Variants in ZSWIM5 observed in about 807,000 individuals in gnomAD.
ZSWIM5 encodes zinc finger SWIM-type containing 5.
ZSWIM5 carries 55 observed loss-of-function variants against 119.6 expected under a neutral mutation model. The ratio of observed to expected loss-of-function variants is 0.46; its 90% CI spans 0.37 to 0.58. The LOEUF (loss-of-function observed/expected upper bound fraction) is 0.58, where lower values mean the gene tolerates loss of function less well. Among genes scored for constraint, ZSWIM5 ranks in the 20% least tolerant of loss-of-function variants. The pLI is 0.00. For missense variants in ZSWIM5, 1,193 were observed against 1,512.8 expected, an observed-to-expected ratio of 0.79 and a Z score of 3.51; for synonymous variants, 537 against 606.9, an observed-to-expected ratio of 0.88 and a Z score of 1.69.
intron 1 of ZSWIM5, among the ~76,000 whole-genome samples, chr1:45,120,736 A>T (rs139141489): frequency 6.6e-6 from 1 of 151,132 alleles, no homozygotes; most frequent in East Asian, 2.0e-4. Flanking sequence ...TTGGCCTCTC[A>T]AAGTGCTGGG....
chr1:45,030,387 C>T (rs1230885252), intron 11 of ZSWIM5, among the ~76,000 whole-genome samples: 1 of 152,158 alleles, frequency 6.6e-6, no homozygotes, highest in Non-Finnish European at 1.5e-5. Flanking sequence ...GCTGGGATTA[C>T]AGGCATGTGC....
chr1:45,052,309 A>G (rs1479837901), intron 4 of ZSWIM5, among the ~76,000 whole-genome samples: 1 of 152,000 alleles, frequency 6.6e-6, no homozygotes, highest in Non-Finnish European at 1.5e-5. Context: ...TACAGGCGTG[A>G]GCCACCATGG....
At chr1:45,174,721 C>T (rs914077979) in intron 1 of ZSWIM5, among the ~76,000 whole-genome samples, 10 of 152,002 alleles carry the variant, frequency 6.6e-5, no homozygotes, top group African/African-American at 2.4e-4. Flanking sequence ...GCCTGGGCCA[C>T]AGAGCAAGAT....
At chr1:45,198,235 G>A (rs923187412) in intron 1 of ZSWIM5, among the ~76,000 whole-genome samples, 3 of 152,254 alleles carry the variant, frequency 2.0e-5, no homozygotes, top group Non-Finnish European at 4.4e-5. Context: ...GGCTTTCACT[G>A]GAAATTTTAA....
At chr1:45,107,080 G>A (rs995503595) in intron 1 of ZSWIM5, among the ~76,000 whole-genome samples, 1 of 152,174 alleles carries the variant, frequency 6.6e-6, no homozygotes, top group Non-Finnish European at 1.5e-5. Context: ...CAGGGCCGAA[G>A]GCCACAGGAA....
intron 1 of ZSWIM5, among the ~76,000 whole-genome samples, chr1:45,103,786 A>C (rs1263752715): frequency 6.6e-6 from 1 of 152,230 alleles, no homozygotes; most frequent in Non-Finnish European, 1.5e-5. Flanking sequence ...TTCTAAAGGA[A>C]AGCACTTCTC....
intron 1 of ZSWIM5, among the ~76,000 whole-genome samples, chr1:45,177,769 T>TA (rs1645989895): frequency 6.6e-6 from 1 of 152,008 alleles, no homozygotes; most frequent in East Asian, 1.9e-4. Flanking sequence ...AATAGCACAT[T>TA]AAAAAGCATT....
chr1:45,056,312 G>A (rs980530464), intron 4 of ZSWIM5, among the ~76,000 whole-genome samples: 4 of 152,160 alleles, frequency 2.6e-5, no homozygotes, highest in East Asian at 1.9e-4. Flanking sequence ...ATTAGAGCAG[G>A]TGAGGCACGG....
intron 1 of ZSWIM5, among the ~76,000 whole-genome samples, chr1:45,188,300 A>G (rs1430839348): frequency 6.6e-6 from 1 of 152,262 alleles, no homozygotes; most frequent in Non-Finnish European, 1.5e-5. Context: ...TTACACATTT[A>G]TGGACCTTTA....
intron 1 of ZSWIM5, among the ~76,000 whole-genome samples, chr1:45,150,171 TA>T (rs59869691): frequency 0.094 from 8,763 of 93,368 alleles, 340 homozygotes; most frequent in African/African-American, 0.15. Flanking sequence ...CTCTATCTCT[TA>T]AAAAAAAAAA....
intron 11 of ZSWIM5, among the ~76,000 whole-genome samples, chr1:45,024,192 C>CTTTTTTTTTTT (rs59909524): frequency 5.4e-5 from 7 of 129,534 alleles, no homozygotes; most frequent in Non-Finnish European, 7.9e-5. Context: ...CTTTTCTTTT[C>CTTTTTTTTTTT]TTTTTTTTTT....
At chr1:45,155,638 G>A (rs920658018) in intron 1 of ZSWIM5, among the ~76,000 whole-genome samples, 1 of 152,106 alleles carries the variant, frequency 6.6e-6, no homozygotes, top group African/African-American at 2.4e-5. Flanking sequence ...CAAATGCCCT[G>A]CCCATCAATC....
chr1:45,190,143 G>A (rs1004796558), intron 1 of ZSWIM5, among the ~76,000 whole-genome samples: 5 of 152,012 alleles, frequency 3.3e-5, no homozygotes, highest in African/African-American at 1.2e-4. Flanking sequence ...GAAAAACCCT[G>A]TCTCCACAGA....
At chr1:45,119,203 T>C (rs1399616067) in intron 1 of ZSWIM5, among the ~76,000 whole-genome samples, 1 of 152,086 alleles carries the variant, frequency 6.6e-6, no homozygotes, top group African/African-American at 2.4e-5. Context: ...CTTAAGACCA[T>C]TTTTTTCCAC....
chr1:45,191,918 GTTAT>G (rs920444260), intron 1 of ZSWIM5, among the ~76,000 whole-genome samples: 15 of 152,082 alleles, frequency 9.9e-5, no homozygotes, highest in African/African-American at 3.6e-4. Flanking sequence ...ACACAATTTG[GTTAT>G]TTAGTGTATT....
intron 1 of ZSWIM5, among the ~76,000 whole-genome samples, chr1:45,094,679 T>C (rs372315821): frequency 9.6e-4 from 146 of 152,124 alleles, no homozygotes; most frequent in Non-Finnish European, 1.5e-3. Context: ...CCTGGCAACA[T>C]GGCGAAACCC....
At chr1:45,077,294 G>A (rs1645261312) in intron 2 of ZSWIM5, among the ~76,000 whole-genome samples, 1 of 152,132 alleles carries the variant, frequency 6.6e-6, no homozygotes, top group Non-Finnish European at 1.5e-5. Context: ...CTAAGCGTCG[G>A]CTGGCTTGAG....
chr1:45,051,336 T>C (rs752791345), intron 4 of ZSWIM5, 83 bp from the exon 5 acceptor site: 208 of 1,368,970 alleles, frequency 1.5e-4, no homozygotes, highest in Non-Finnish European at 1.9e-4. Flanking sequence ...CATTTTTAGA[T>C]GGTAGAGAAA....
At chr1:45,153,037 C>A in intron 1 of ZSWIM5, among the ~76,000 whole-genome samples, 1 of 146,554 alleles carries the variant, frequency 6.8e-6, no homozygotes, top group South Asian at 2.2e-4. Context: ...AAATGCAAAC[C>A]AAAACTACAA....
Sources: gnomAD v4.1 joint callset for allele counts (sites outside exome capture counted in the v4.1 genomes callset) on GRCh38, gnomAD v4.1.1 for gene constraint, MANE v1.5 for transcripts, NCBI Gene and HGNC (gene_info 2026-07-23, HGNC 2026-07-21) for gene names.